Variants in BCKDHB observed in about 807,000 individuals in gnomAD.
BCKDHB encodes the protein 2-oxoisovalerate dehydrogenase subunit beta, mitochondrial.
BCKDHB carries 41 observed loss-of-function variants against 48.5 expected under a neutral mutation model. The ratio of observed to expected loss-of-function variants is 0.85; its 90% CI spans 0.66 to 1.10. The LOEUF is 1.10. BCKDHB is among the 50% of genes least tolerant of loss of function. The pLI, the probability that BCKDHB is intolerant of heterozygous loss-of-function variation, is 0.00. For synonymous variants in BCKDHB, 201 were observed against 174.8 expected (o/e 1.15, Z -1.18); for missense variants, 496 against 494.2 (o/e 1.00, Z -0.03).
intron 9 of BCKDHB, among the ~76,000 whole-genome samples, chr6:80,304,028 G>C (rs1429612015): frequency 6.6e-6 from 1 of 152,040 alleles, no homozygotes; most frequent in African/African-American, 2.4e-5. Context: ...AAAGAAATAG[G>C]GTTTAGGAAA....
intron 8 of BCKDHB, among the ~76,000 whole-genome samples, chr6:80,214,513 G>A (rs1476234652): frequency 6.6e-6 from 1 of 152,146 alleles, no homozygotes; most frequent in Non-Finnish European, 1.5e-5. Context: ...CTGTTTGAGG[G>A]GAGCAGAGGG....
chr6:80,159,839 C>A (rs1455488746), intron 3 of BCKDHB, among the ~76,000 whole-genome samples: 1 of 152,194 alleles, frequency 6.6e-6, no homozygotes, highest in Non-Finnish European at 1.5e-5. Context: ...AGACTGGGAC[C>A]TGAGCTGTTT....
At chr6:80,463,556 T>C in the BCKDHB span, among the ~76,000 whole-genome samples, 1 of 152,122 alleles carries the variant, frequency 6.6e-6, no homozygotes, top group Non-Finnish European at 1.5e-5. Flanking sequence ...TTCTCTGAGG[T>C]TTTGAGCTTC....
chr6:80,291,171 G>T (rs1766892186), intron 9 of BCKDHB, among the ~76,000 whole-genome samples: 1 of 152,166 alleles, frequency 6.6e-6, no homozygotes, highest in Admixed American at 6.5e-5. Flanking sequence ...AGATGGAGTT[G>T]CTCTGGTTCA....
intron 3 of BCKDHB, among the ~76,000 whole-genome samples, chr6:80,139,525 T>G (rs1369897486): frequency 1.3e-5 from 2 of 150,442 alleles, no homozygotes; most frequent in South Asian, 2.1e-4. Context: ...TACATATGGC[T>G]AGCCAGTTTT....
At chr6:80,373,082 A>AT in the BCKDHB span, among the ~76,000 whole-genome samples, 1 of 151,640 alleles carries the variant, frequency 6.6e-6, no homozygotes, top group African/African-American at 2.4e-5. Context: ...TGGTCCTGGA[A>AT]TTTTTTTTGT....
chr6:80,111,622 C>T (rs1769413785), intron 1 of BCKDHB, among the ~76,000 whole-genome samples: 2 of 152,118 alleles, frequency 1.3e-5, no homozygotes, highest in South Asian at 2.1e-4. Flanking sequence ...AATAGGTAGC[C>T]TAGGAATTCC....
chr6:80,364,290 C>T, the BCKDHB span, among the ~76,000 whole-genome samples: 2 of 152,176 alleles, frequency 1.3e-5, no homozygotes, highest in African/African-American at 4.8e-5. Context: ...TCAAGACACA[C>T]CACAAATGAC....
chr6:80,456,042 C>T, the BCKDHB span, among the ~76,000 whole-genome samples: 2 of 151,846 alleles, frequency 1.3e-5, no homozygotes, highest in South Asian at 4.2e-4. Context: ...TGGTGAAACC[C>T]CATCTCTACT....
chr6:80,388,903 T>G, the BCKDHB span, among the ~76,000 whole-genome samples: 1 of 152,196 alleles, frequency 6.6e-6, no homozygotes, highest in Non-Finnish European at 1.5e-5. Flanking sequence ...GTGAACCCAG[T>G]GGTAGACTTT....
intron 6 of BCKDHB, among the ~76,000 whole-genome samples, chr6:80,190,890 G>A (rs900249262): frequency 7.2e-5 from 11 of 152,178 alleles, no homozygotes; most frequent in Non-Finnish European, 1.0e-4. Flanking sequence ...TTTGGTAGTG[G>A]CAGTTGAGGA....
chr6:80,153,587 A>G (rs926382156), intron 3 of BCKDHB, among the ~76,000 whole-genome samples: 2 of 152,274 alleles, frequency 1.3e-5, no homozygotes, highest in South Asian at 4.2e-4. Context: ...GTGCCTCTCA[A>G]CTAACAACTA....
chr6:80,381,962 ATTTGTT>A, the BCKDHB span, among the ~76,000 whole-genome samples: 1 of 152,062 alleles, frequency 6.6e-6, no homozygotes, highest in Non-Finnish European at 1.5e-5. Flanking sequence ...TCTACATGTC[ATTTGTT>A]ATATTTTTAT....
chr6:80,438,371 ATTG>A, the BCKDHB span, among the ~76,000 whole-genome samples: 1 of 152,194 alleles, frequency 6.6e-6, no homozygotes, highest in Non-Finnish European at 1.5e-5. Flanking sequence ...AGGTGTTTAC[ATTG>A]TTTCTATTTT....
the BCKDHB span, among the ~76,000 whole-genome samples, chr6:80,412,997 C>CA: frequency 2.8e-4 from 42 of 152,120 alleles, no homozygotes; most frequent in African/African-American, 9.2e-4. Context: ...TCTTTATTCT[C>CA]AACCTATTTG....
At chr6:80,146,285 AGTAAAATAACAGT>A (rs986720200) in intron 3 of BCKDHB, among the ~76,000 whole-genome samples, 1 of 152,196 alleles carries the variant, frequency 6.6e-6, no homozygotes, top group African/African-American at 2.4e-5. Context: ...ATTACATGGA[AGTAAAATAACAGT>A]GTAAGAATGA....
intron 3 of BCKDHB, 129 bp downstream of exon 3, chr6:80,129,358 C>T (rs556648549): frequency 6.5e-5 from 48 of 739,674 alleles, no homozygotes; most frequent in East Asian, 1.8e-4. Flanking sequence ...TCATTTCCAA[C>T]GCCACCCGCA....
the BCKDHB span, among the ~76,000 whole-genome samples, chr6:80,424,869 A>G: frequency 6.6e-6 from 1 of 152,224 alleles, no homozygotes; most frequent in Non-Finnish European, 1.5e-5. Flanking sequence ...GGTTCCTAGC[A>G]TGGAAAGCCA....
At chr6:80,203,270 G>A (rs1182559045) in intron 8 of BCKDHB, 58 bp downstream of exon 8, 16 of 1,169,752 alleles carry the variant, frequency 1.4e-5, no homozygotes, top group Admixed American at 1.7e-5. Context: ...CAAATATGTT[G>A]TATATTTGCA....
Sources: gnomAD v4.1 joint callset for allele counts (sites outside exome capture counted in the v4.1 genomes callset) on GRCh38, gnomAD v4.1.1 for gene constraint, MANE v1.5 for transcripts, NCBI Gene and HGNC (gene_info 2026-07-23, HGNC 2026-07-21) for gene names.